BTRC: variants seen among roughly 807,000 people sequenced by gnomAD.
BTRC encodes F-box/WD repeat-containing protein 1A.
A neutral mutation model predicts 85.5 loss-of-function variants in BTRC; 42 were observed. That is an observed-to-expected ratio of 0.49 (90% CI 0.38 to 0.64). The LOEUF (loss-of-function observed/expected upper bound fraction) is 0.64. Ranked by LOEUF, BTRC falls within the 30% of genes least tolerant of loss-of-function variation. The probability of loss-of-function intolerance (pLI) is 0.00; values close to 1 mark genes in which losing one functional copy is unlikely to be tolerated. For missense variants in BTRC, 594 were observed against 743.5 expected, an observed-to-expected ratio of 0.80 and a Z score of 2.34; for synonymous variants, 255 against 263.3, an observed-to-expected ratio of 0.97 and a Z score of 0.30.
intron 1 of BTRC, among the ~76,000 whole-genome samples, chr10:101,389,066 G>A (rs1179653083): frequency 8.2e-6 from 1 of 121,616 alleles, no homozygotes; most frequent in Non-Finnish European, 1.7e-5. Flanking sequence ...CTACCTTTAT[G>A]TATTCAACTG....
chr10:101,476,681 T>C (rs1390031418), intron 3 of BTRC, among the ~76,000 whole-genome samples: 4 of 152,046 alleles, frequency 2.6e-5, no homozygotes, highest in Non-Finnish European at 4.4e-5. Flanking sequence ...CGGTTTCAAG[T>C]AGCCCTCCTG....
intron 1 of BTRC, among the ~76,000 whole-genome samples, chr10:101,398,297 TTTTTTC>T (rs1296194784): frequency 6.6e-6 from 1 of 151,980 alleles, no homozygotes; most frequent in Non-Finnish European, 1.5e-5. Flanking sequence ...GAAAATTTCT[TTTTTTC>T]TTTTTTTCTT....
chr10:101,357,577 C>T (rs933251507), intron 1 of BTRC, among the ~76,000 whole-genome samples: 3 of 152,004 alleles, frequency 2.0e-5, no homozygotes, highest in African/African-American at 7.2e-5. Flanking sequence ...CTTAACCTTT[C>T]CCTCAATTGT....
At chr10:101,474,669 CTT>C (rs1564794806) in intron 3 of BTRC, among the ~76,000 whole-genome samples, 1 of 152,154 alleles carries the variant, frequency 6.6e-6, no homozygotes, top group Non-Finnish European at 1.5e-5. Flanking sequence ...GTTTTGAACT[CTT>C]ATCACTTGAT....
chr10:101,403,365 G>T (rs1455638893), intron 1 of BTRC, among the ~76,000 whole-genome samples: 1 of 152,132 alleles, frequency 6.6e-6, no homozygotes, highest in African/African-American at 2.4e-5. Context: ...AGGACACAAG[G>T]CAGCCGCCCT....
At chr10:101,366,695 T>C (rs769192452) in intron 1 of BTRC, among the ~76,000 whole-genome samples, 13 of 142,586 alleles carry the variant, frequency 9.1e-5, no homozygotes, top group Admixed American at 2.4e-4. Flanking sequence ...GGTGGGTAGA[T>C]AGATATAATT....
intron 10 of BTRC, 129 bp from the exon 11 acceptor site, chr10:101,535,224 GT>G: frequency 1.3e-6 from 1 of 795,604 alleles, no homozygotes; most frequent in Non-Finnish European, 2.1e-6. Context: ...ATTGTCCTTT[GT>G]TTTATTTGTT....
intron 2 of BTRC, among the ~76,000 whole-genome samples, chr10:101,458,650 T>C (rs1379780227): frequency 6.6e-6 from 1 of 152,204 alleles, no homozygotes; most frequent in Non-Finnish European, 1.5e-5. Context: ...TTAGTCTATT[T>C]CATGGCCTTG....
chr10:101,477,437 TAA>T (rs1185153041), intron 3 of BTRC, among the ~76,000 whole-genome samples: 1 of 152,224 alleles, frequency 6.6e-6, no homozygotes, highest in African/African-American at 2.4e-5. Flanking sequence ...CAGTAATTAA[TAA>T]GTTTGCTTTT....
chr10:101,547,501 C>G (rs2062578198), intron 13 of BTRC, among the ~76,000 whole-genome samples: 1 of 151,674 alleles, frequency 6.6e-6, no homozygotes, highest in African/African-American at 2.4e-5. Context: ...CCACCACGCT[C>G]AGCTGATCTT....
intron 1 of BTRC, among the ~76,000 whole-genome samples, chr10:101,423,054 A>T (rs373268187): frequency 6.6e-6 from 1 of 151,932 alleles, no homozygotes; most frequent in Non-Finnish European, 1.5e-5. Context: ...AGTTTTTTTT[A>T]ATTAAGTTAA....
At chr10:101,473,095 A>G (rs1219917889) in intron 3 of BTRC, among the ~76,000 whole-genome samples, 1 of 151,064 alleles carries the variant, frequency 6.6e-6, no homozygotes, top group African/African-American at 2.4e-5. Context: ...CATATATTCT[A>G]GATAATCCAG....
chr10:101,485,571 C>T lies in BTRC; in HGVS notation c.324+6114C>T, dbSNP rs555174748. Among the ~76,000 whole-genome samples, 4 of 152,290 alleles carry T rather than the reference C, an allele frequency of 2.6e-5. No homozygotes were observed. In the South Asian group the frequency reaches 8.3e-4, roughly 32 times the overall value. ...GCAGTTTTATTTTACAAATCTAAAA[C>T]TTTCGGTAGTTCTTTTGAACTACCG... On this transcript the variant is annotated intron_variant, in intron 4 of 14. Coordinates refer to ENST00000370187, the MANE Select transcript of BTRC (RefSeq NM_033637.4).
chr10:101,382,065 C>T (rs1264309570), intron 1 of BTRC, among the ~76,000 whole-genome samples: 2 of 139,814 alleles, frequency 1.4e-5, no homozygotes, highest in Admixed American at 7.8e-5. Flanking sequence ...TCACTGCAAC[C>T]TTCGCCTCCC....
At chr10:101,404,715 C>T (rs1170575291) in intron 1 of BTRC, among the ~76,000 whole-genome samples, 1 of 151,904 alleles carries the variant, frequency 6.6e-6, no homozygotes, top group East Asian at 1.9e-4. Context: ...AAGTCTATGC[C>T]TGGCCGAGTG....
chr10:101,502,720 C>G (rs1040087880), intron 4 of BTRC, among the ~76,000 whole-genome samples: 6 of 152,038 alleles, frequency 3.9e-5, no homozygotes, highest in Non-Finnish European at 7.4e-5. Context: ...AAAGCAATAC[C>G]CACCTCCTCG....
At chr10:101,415,659 A>G (rs1943925577) in intron 1 of BTRC, among the ~76,000 whole-genome samples, 2 of 150,572 alleles carry the variant, frequency 1.3e-5, no homozygotes, top group Non-Finnish European at 2.9e-5. Context: ...CTCCTGCCTC[A>G]ACCTTCTGAG....
chr10:101,379,176 TTA>T (rs1239193744), intron 1 of BTRC, among the ~76,000 whole-genome samples: 1 of 152,230 alleles, frequency 6.6e-6, no homozygotes, highest in African/African-American at 2.4e-5. Flanking sequence ...TTGCTTCCAC[TTA>T]TATCAGAGTT....
intron 2 of BTRC, among the ~76,000 whole-genome samples, chr10:101,432,425 G>A (rs1944427038): frequency 2.0e-5 from 3 of 152,158 alleles, no homozygotes; most frequent in African/African-American, 7.2e-5. Flanking sequence ...ACTGCACTTG[G>A]CTATATCCTA....
Sources: gnomAD v4.1 joint callset for allele counts (sites outside exome capture counted in the v4.1 genomes callset) on GRCh38, gnomAD v4.1.1 for gene constraint, MANE v1.5 for transcripts, NCBI Gene and HGNC (gene_info 2026-07-23, HGNC 2026-07-21) for gene names.